The following SCAI variants were observed in gnomAD, a reference collection of about 807,000 sequenced individuals.
SCAI encodes protein SCAI.
SCAI carries 24 observed loss-of-function variants against 92.2 expected under a neutral mutation model. The ratio of observed to expected loss-of-function variants is 0.26; its 90% CI spans 0.19 to 0.37. The LOEUF (loss-of-function observed/expected upper bound fraction) is 0.37. Ranked by LOEUF, SCAI falls within the 10% of genes least tolerant of loss-of-function variation. SCAI has a pLI of 1.00. For missense variants in SCAI, 450 were observed against 736.2 expected (o/e 0.61, Z 4.50); for synonymous variants, 261 against 258.6 (o/e 1.01, Z -0.09).
intron 2 of SCAI, among the ~76,000 whole-genome samples, chr9:125,118,505 C>T (rs1835095998): frequency 9.0e-6 from 1 of 111,636 alleles, no homozygotes; most frequent in Admixed American, 8.6e-5. Flanking sequence ...AGACAGAGAC[C>T]CTGTCTCAAT....
intron 3 of SCAI, among the ~76,000 whole-genome samples, chr9:125,031,176 T>G (rs1179767689): frequency 6.6e-6 from 1 of 152,086 alleles, no homozygotes; most frequent in African/African-American, 2.4e-5. Flanking sequence ...TCAAAGAATT[T>G]AGGGTATGGC....
intron 2 of SCAI, among the ~76,000 whole-genome samples, chr9:125,059,896 A>G (rs890919724): frequency 6.6e-6 from 1 of 152,198 alleles, no homozygotes; most frequent in Non-Finnish European, 1.5e-5. Context: ...ATACAGCATC[A>G]TGATTTACAC....
chr9:124,952,542 A>G lies in SCAI; in HGVS notation c.*265T>C, dbSNP rs146697118. 1.3e-3 allele frequency: 414 copies of G among 318,142 alleles called. 1 individual carries two copies. Among genetic ancestry groups the G allele is most frequent in the African/African-American group, 7.4e-3 (342 of 46,214 alleles). The allele number at this position is 318,142 out of a possible 1,614,324, so 19.7% of individuals were successfully genotyped here. A position where few individuals can be genotyped will look rare whatever the true frequency, so the allele number is the denominator to read the frequency against. On this transcript the variant is annotated 3_prime_UTR_variant, in exon 18 of 18. Transcript: ENST00000336505. ...GTGAGAATAGTGACTATTTGAGTGT[A>G]GGATTAGAAGTTGGAGGTAAATATC...
intron 2 of SCAI, among the ~76,000 whole-genome samples, chr9:125,094,522 G>A (rs1338479428): frequency 2.0e-5 from 3 of 152,118 alleles, no homozygotes; most frequent in African/African-American, 7.2e-5. Flanking sequence ...TTATCTTTGA[G>A]ACAAACTCTG....
At chr9:124,991,155 C>G (rs1044638506) in intron 14 of SCAI, among the ~76,000 whole-genome samples, 1 of 151,922 alleles carries the variant, frequency 6.6e-6, no homozygotes, top group East Asian at 1.9e-4. Context: ...GAGTTCGAGA[C>G]CAGCCTGACC....
At chr9:124,965,482 T>G (rs1220304676) in intron 17 of SCAI, among the ~76,000 whole-genome samples, 2 of 152,182 alleles carry the variant, frequency 1.3e-5, no homozygotes, top group Non-Finnish European at 2.9e-5. Flanking sequence ...TGATCCACCC[T>G]CTGTGGCCTC....
At chr9:125,133,933 T>C (rs2131268759) in intron 2 of SCAI, among the ~76,000 whole-genome samples, 1 of 152,296 alleles carries the variant, frequency 6.6e-6, no homozygotes, top group East Asian at 1.9e-4. Flanking sequence ...ACTCACTAGG[T>C]GCTCCAAGTT....
chr9:125,025,158 C>A (rs1370750957), intron 6 of SCAI, among the ~76,000 whole-genome samples: 1 of 152,218 alleles, frequency 6.6e-6, no homozygotes, highest in Non-Finnish European at 1.5e-5. Flanking sequence ...AAACAACCTA[C>A]AAACTGAACA....
chr9:124,985,610 G>C (rs995942797), intron 14 of SCAI, among the ~76,000 whole-genome samples: 1 of 152,208 alleles, frequency 6.6e-6, no homozygotes, highest in African/African-American at 2.4e-5. Flanking sequence ...GCTCACACCT[G>C]TAATCCCAGA....
At chr9:125,099,189 G>GA (rs1427010600) in intron 2 of SCAI, among the ~76,000 whole-genome samples, 10 of 151,774 alleles carry the variant, frequency 6.6e-5, no homozygotes, top group Admixed American at 5.9e-4. Flanking sequence ...TCATATCCAG[G>GA]AAAAAATAGA....
chr9:125,047,836 A>T (rs1833477558), intron 3 of SCAI, among the ~76,000 whole-genome samples: 1 of 152,196 alleles, frequency 6.6e-6, no homozygotes, highest in African/African-American at 2.4e-5. Context: ...TCGATTTATG[A>T]TGAAGTAGAA....
intron 14 of SCAI, among the ~76,000 whole-genome samples, chr9:124,989,755 T>C (rs1296921880): frequency 1.4e-5 from 2 of 144,446 alleles, no homozygotes; most frequent in African/African-American, 5.2e-5. Flanking sequence ...TGGTGGCGCG[T>C]GCCTGTAATC....
intron 9 of SCAI, among the ~76,000 whole-genome samples, chr9:125,012,909 C>A (rs1026901038): frequency 1.3e-5 from 2 of 151,234 alleles, no homozygotes; most frequent in Non-Finnish European, 3.0e-5. Flanking sequence ...GGAAACTGAA[C>A]AACCTGCTCC....
At chr9:124,995,089 T>C in intron 13 of SCAI, 74 bp from the exon 14 acceptor site, 1 of 1,081,516 alleles carries the variant, frequency 9.2e-7, no homozygotes, top group South Asian at 1.4e-5. Flanking sequence ...CAGTTTGGTC[T>C]GCTCATATCT....
chr9:125,065,936 G>T, intron 2 of SCAI: 1 of 733,552 alleles, frequency 1.4e-6, no homozygotes. Flanking sequence ...CAGAAAGGGA[G>T]CTTCATTAAT....
At chr9:125,019,973 C>T (rs1832836591) in intron 7 of SCAI, among the ~76,000 whole-genome samples, 1 of 150,428 alleles carries the variant, frequency 6.6e-6, no homozygotes, top group Non-Finnish European at 1.5e-5. Flanking sequence ...ACTCAGGAGG[C>T]TAAGGTGGGA....
At chr9:125,046,320 C>T (rs1289075307) in intron 3 of SCAI, among the ~76,000 whole-genome samples, 4 of 7,566 alleles carry the variant, frequency 5.3e-4, no homozygotes, top group Non-Finnish European at 1.4e-3. Flanking sequence ...TATATATACA[C>T]ACACACACAC....
At chr9:125,056,287 G>A (rs1257319015) in intron 2 of SCAI, among the ~76,000 whole-genome samples, 1 of 152,088 alleles carries the variant, frequency 6.6e-6, no homozygotes, top group African/African-American at 2.4e-5. Flanking sequence ...CCAACATGGA[G>A]AAAGCTTGTC....
At chr9:124,957,750 C>T (rs142242123) in intron 17 of SCAI, among the ~76,000 whole-genome samples, 7 of 151,466 alleles carry the variant, frequency 4.6e-5, no homozygotes, top group African/African-American at 1.5e-4. Flanking sequence ...GGCACGACCT[C>T]GGCTCACCAC....
Sources: gnomAD v4.1 joint callset for allele counts (sites outside exome capture counted in the v4.1 genomes callset) on GRCh38, gnomAD v4.1.1 for gene constraint, MANE v1.5 for transcripts, NCBI Gene and HGNC (gene_info 2026-07-23, HGNC 2026-07-21) for gene names.